The following ROBO2 variants were observed in gnomAD, a reference collection of about 807,000 sequenced individuals.
ROBO2 encodes the protein roundabout homolog 2.
A neutral mutation model predicts 160.8 loss-of-function variants in ROBO2; 53 were observed. The observed-to-expected ratio is 0.33, with a 90% CI of 0.26 to 0.41. The LOEUF is 0.41. Among genes scored for constraint, ROBO2 ranks in the 10% least tolerant of loss-of-function variants. ROBO2 has a pLI of 1.00. For missense variants in ROBO2, 1,577 were observed against 1,722.4 expected (o/e 0.92, Z 1.49); for synonymous variants, 664 against 611.7 (o/e 1.09, Z -1.26).
At chr3:77,492,956 A>G (rs2086321257) in intron 4 of ROBO2, among the ~76,000 whole-genome samples, 1 of 152,176 alleles carries the variant, frequency 6.6e-6, no homozygotes, top group Non-Finnish European at 1.5e-5. Context: ...TTTTTATGAT[A>G]GGATCCACCT....
chr3:76,227,076 C>T (rs1171860241), intron 2 of ROBO2, among the ~76,000 whole-genome samples: 2 of 152,082 alleles, frequency 1.3e-5, no homozygotes, highest in South Asian at 2.1e-4. Context: ...ACAATTTTGC[C>T]GACTGGCTCA....
chr3:77,189,066 A>G (rs932310256), intron 2 of ROBO2, among the ~76,000 whole-genome samples: 4 of 151,708 alleles, frequency 2.6e-5, no homozygotes, highest in Admixed American at 6.6e-5. Flanking sequence ...TTAAGTAGAC[A>G]TACTGTGTCA....
At chr3:77,585,094 G>A (rs971049572) in intron 16 of ROBO2, among the ~76,000 whole-genome samples, 2 of 150,954 alleles carry the variant, frequency 1.3e-5, no homozygotes, top group Non-Finnish European at 3.0e-5. Context: ...GGATAACTAA[G>A]ATTGTCAAGT....
At chr3:77,020,852 A>G (rs980306907) in intron 2 of ROBO2, among the ~76,000 whole-genome samples, 4 of 152,160 alleles carry the variant, frequency 2.6e-5, no homozygotes, top group African/African-American at 7.2e-5. Context: ...GCACTTAAAT[A>G]TTTTCTATAA....
At chr3:77,462,497 A>T (rs768351685) in intron 2 of ROBO2, among the ~76,000 whole-genome samples, 2 of 152,218 alleles carry the variant, frequency 1.3e-5, no homozygotes, top group Non-Finnish European at 2.9e-5. Flanking sequence ...CAAAGCACCT[A>T]ATTGTGGAAA....
chr3:76,795,823 C>G (rs539598117), intron 2 of ROBO2, among the ~76,000 whole-genome samples: 1 of 152,188 alleles, frequency 6.6e-6, no homozygotes, highest in African/African-American at 2.4e-5. Flanking sequence ...CCAGATACAT[C>G]AGAAAAATCA....
intron 21 of ROBO2, among the ~76,000 whole-genome samples, chr3:77,609,178 A>C (rs2094579737): frequency 6.6e-6 from 1 of 151,978 alleles, no homozygotes; most frequent in African/African-American, 2.4e-5. Context: ...AGACTGTAGC[A>C]CTTATTATAT....
intron 2 of ROBO2, among the ~76,000 whole-genome samples, chr3:76,452,092 A>C (rs901544047): frequency 4.6e-5 from 7 of 152,126 alleles, no homozygotes; most frequent in Admixed American, 3.3e-4. Flanking sequence ...TCAACCCCTA[A>C]TTCTTTGTTG....
intron 2 of ROBO2, among the ~76,000 whole-genome samples, chr3:76,845,106 C>T (rs1053108696): frequency 2.0e-5 from 3 of 151,776 alleles, no homozygotes; most frequent in Non-Finnish European, 4.4e-5. Context: ...ATCTAATAAC[C>T]TTGGCTAAAA....
At chr3:77,000,201 C>G (rs780306124) in intron 2 of ROBO2, among the ~76,000 whole-genome samples, 29 of 152,172 alleles carry the variant, frequency 1.9e-4, no homozygotes, top group Non-Finnish European at 4.1e-4. Flanking sequence ...GAAGTTATTT[C>G]GCTCATGTGC....
chr3:77,083,465 A>G (rs1417916156), intron 1 of ROBO2, among the ~76,000 whole-genome samples: 1 of 152,228 alleles, frequency 6.6e-6, no homozygotes, highest in Non-Finnish European at 1.5e-5. Flanking sequence ...GTTTGTTTAA[A>G]GAAAAGCAAT....
intron 2 of ROBO2, among the ~76,000 whole-genome samples, chr3:76,425,054 C>A (rs2076154652): frequency 6.6e-6 from 1 of 152,076 alleles, no homozygotes; most frequent in African/African-American, 2.4e-5. Flanking sequence ...GCCTCCTCTA[C>A]CCTTATAAAT....
Position 76,310,187 on chromosome 3 carries a change from A to C in ROBO2, c.109+372585A>C, listed in dbSNP as rs148947414. ...GTCATCTTCATCCAGGGGCACTGTC[A>C]TGTGTTAATTATAACCATACCTTGT... On this transcript the variant is annotated intron_variant, in intron 2 of 26. Coordinates refer to the ROBO2 transcript ENST00000487694. Among the ~76,000 whole-genome samples, 517 of 152,302 alleles carry C rather than the reference A, an allele frequency of 3.4e-3. 6 individuals are homozygous for C. Among genetic ancestry groups the C allele is most frequent in the Admixed American group, 0.025 (375 of 15,290 alleles).
intron 2 of ROBO2, among the ~76,000 whole-genome samples, chr3:77,379,090 G>C (rs9860766): frequency 0.26 from 39,831 of 151,832 alleles, 6,649 homozygotes; most frequent in Non-Finnish European, 0.37. Context: ...TGGGATTACA[G>C]GCACATGCCA....
chr3:77,343,409 A>G (rs1454603568), intron 2 of ROBO2, among the ~76,000 whole-genome samples: 1 of 152,146 alleles, frequency 6.6e-6, no homozygotes, highest in Non-Finnish European at 1.5e-5. Context: ...ATATTAAAAG[A>G]TGTTCTATGT....
chr3:76,480,377 G>C (rs1259732875), intron 2 of ROBO2, among the ~76,000 whole-genome samples: 1 of 152,052 alleles, frequency 6.6e-6, no homozygotes, highest in East Asian at 1.9e-4. Context: ...TGGGTTCACT[G>C]CTTTTCTGTA....
intron 2 of ROBO2, among the ~76,000 whole-genome samples, chr3:76,839,614 GC>G (rs1361505646): frequency 6.6e-6 from 1 of 152,144 alleles, no homozygotes; most frequent in African/African-American, 2.4e-5. Context: ...AGAGATATTG[GC>G]CTGCAGTTTT....
At chr3:77,039,392 C>T (rs1016659789), upstream of ROBO2, among the ~76,000 whole-genome samples, 5 of 152,180 alleles carry the variant, frequency 3.3e-5, no homozygotes, top group Admixed American at 1.3e-4. Flanking sequence ...TGATCTTTTT[C>T]AAGAAAGCGC....
chr3:77,289,769 T>C (rs28441598), intron 2 of ROBO2, among the ~76,000 whole-genome samples: 54,013 of 147,940 alleles, frequency 0.37, 9,885 homozygotes, highest in Middle Eastern at 0.51. Context: ...GTAAAATTGA[T>C]GGTTAAATGG....
Sources: allele counts gnomAD v4.1 joint callset (sites outside exome capture counted in the v4.1 genomes callset), GRCh38; gene constraint gnomAD v4.1.1; transcripts MANE v1.5; gene names NCBI Gene and HGNC (gene_info 2026-07-23, HGNC 2026-07-21).